Variants in SEC24B observed in about 807,000 individuals in gnomAD.
The protein encoded by SEC24B is protein transport protein Sec24B.
SEC24B carries 45 observed loss-of-function variants against 142.8 expected under a neutral mutation model. That is an observed-to-expected ratio of 0.32 (90% CI 0.25 to 0.40). The LOEUF (loss-of-function observed/expected upper bound fraction) is 0.40, where lower values mean the gene tolerates loss of function less well. Among genes scored for constraint, SEC24B ranks in the 10% least tolerant of loss-of-function variants. SEC24B has a pLI of 1.00. For synonymous variants in SEC24B, 574 were observed against 568.2 expected, an observed-to-expected ratio of 1.01 and a Z score of -0.15; for missense variants, 1,409 against 1,526.8, an observed-to-expected ratio of 0.92 and a Z score of 1.29.
chr4:109,477,087 AGATCCC>A (rs1311922804), intron 3 of SEC24B, among the ~76,000 whole-genome samples: 2 of 144,578 alleles, frequency 1.4e-5, no homozygotes, highest in Non-Finnish European at 3.0e-5. Flanking sequence ...CAGTGAGCCG[AGATCCC>A]GCCACTGCAC....
In SEC24B at chr4:109,486,919, C is replaced by G. The variant is rs376660676; in HGVS notation, c.1166-4408C>G. 5.9e-5 allele frequency among the ~76,000 whole-genome samples: 9 copies of G among 152,174 alleles called. No homozygotes were observed. In the South Asian group the frequency reaches 8.3e-4, roughly 14 times the overall value. ...GTGGCTCACGCCTGTAATCCCAGCA[C>G]TTTGGGAGGCTGAGATGGGCAGATC... On this transcript the variant is annotated intron_variant, in intron 4 of 23. Transcript: ENST00000265175.
At chr4:109,468,234 C>T (rs1278048520) in intron 2 of SEC24B, among the ~76,000 whole-genome samples, 2 of 152,150 alleles carry the variant, frequency 1.3e-5, no homozygotes, top group Middle Eastern at 3.2e-3. Context: ...ATGGGAATAG[C>T]GTAATTTTAC....
intron 10 of SEC24B, among the ~76,000 whole-genome samples, chr4:109,515,630 A>G (rs1426655941): frequency 6.6e-6 from 1 of 152,100 alleles, no homozygotes; most frequent in African/African-American, 2.4e-5. Flanking sequence ...CACCTGGCCT[A>G]TTTCAACTTT....
chr4:109,437,875 G>C (rs1728560665), intron 1 of SEC24B, among the ~76,000 whole-genome samples: 1 of 152,124 alleles, frequency 6.6e-6, no homozygotes, highest in South Asian at 2.1e-4. Flanking sequence ...CACCTGCCTC[G>C]GCCTCCCAGA....
intron 1 of SEC24B, among the ~76,000 whole-genome samples, chr4:109,453,290 G>A (rs958399502): frequency 2.6e-5 from 4 of 152,126 alleles, no homozygotes; most frequent in African/African-American, 4.8e-5. Flanking sequence ...TCTTAACATG[G>A]TTCAAGAGCA....
intron 1 of SEC24B, among the ~76,000 whole-genome samples, chr4:109,451,965 T>C (rs1730141186): frequency 6.6e-6 from 1 of 152,176 alleles, no homozygotes; most frequent in Non-Finnish European, 1.5e-5. Flanking sequence ...TTACCTATAG[T>C]ATATTTCCTT....
At chr4:109,527,512 C>T (rs1299019339) in intron 18 of SEC24B, 80 bp downstream of exon 18, 1 of 1,009,594 alleles carries the variant, frequency 9.9e-7, no homozygotes, top group Non-Finnish European at 1.5e-6. Context: ...AGTGCGTCCG[C>T]CTGTAATCCC....
chr4:109,501,437 C>T (rs1307515573), intron 6 of SEC24B, among the ~76,000 whole-genome samples: 2 of 152,210 alleles, frequency 1.3e-5, no homozygotes, highest in Non-Finnish European at 2.9e-5. Flanking sequence ...TAACTATTTC[C>T]TTAAGTGGAA....
chr4:109,539,811 G>A lies in SEC24B; in HGVS notation c.*136G>A, dbSNP rs1409964592. The A allele has an allele frequency of 1.2e-5, 7 of 601,712 alleles. No homozygotes were observed. The highest frequency in any genetic ancestry group is 1.7e-5 in the Non-Finnish European group (6 of 344,408). The allele number at this position is 601,712 out of a possible 1,614,324, so 37.3% of individuals were successfully genotyped here. On this transcript the variant is annotated 3_prime_UTR_variant, in exon 24 of 24. Transcript: ENST00000265175. ...CGCACAGCACTCTGTCTGAGGCTTT[G>A]GTAAAAAGTAAAGGGGAAGAAAGAA...
chr4:109,488,423 CA>C (rs1260524865), intron 4 of SEC24B, among the ~76,000 whole-genome samples: 3 of 152,118 alleles, frequency 2.0e-5, no homozygotes, highest in African/African-American at 7.2e-5. Context: ...GGTTCATCCA[CA>C]TTATGGCATA....
chr4:109,471,061 T>G (rs1298128388), intron 2 of SEC24B, among the ~76,000 whole-genome samples: 1 of 146,786 alleles, frequency 6.8e-6, no homozygotes, highest in African/African-American at 2.7e-5. Flanking sequence ...GGGTATTTAT[T>G]TTATTATGCA....
intron 1 of SEC24B, among the ~76,000 whole-genome samples, chr4:109,459,014 C>T (rs1730989964): frequency 6.6e-6 from 1 of 151,868 alleles, no homozygotes; most frequent in South Asian, 2.1e-4. Flanking sequence ...TTTTGAATCC[C>T]AAGAAAGATC....
chr4:109,519,038 C>G (rs1432198748), intron 11 of SEC24B, among the ~76,000 whole-genome samples: 1 of 152,036 alleles, frequency 6.6e-6, no homozygotes, highest in Non-Finnish European at 1.5e-5. Flanking sequence ...AACTCCTGAG[C>G]TCAAGCGATC....
chr4:109,517,428 AG>A (rs773341164), intron 11 of SEC24B, among the ~76,000 whole-genome samples: 32 of 152,172 alleles, frequency 2.1e-4, no homozygotes, highest in Non-Finnish European at 2.9e-4. Context: ...AAAAGTAGAG[AG>A]TACAGTGGTT....
intron 1 of SEC24B, among the ~76,000 whole-genome samples, chr4:109,451,252 C>T (rs951487447): frequency 6.6e-6 from 1 of 152,052 alleles, no homozygotes; most frequent in African/African-American, 2.4e-5. Context: ...GGGTCTTGCT[C>T]CATTGCCTAG....
At chr4:109,494,586 T>G in intron 5 of SEC24B, 29 bp from the exon 6 acceptor site, 1 of 1,612,198 alleles carries the variant, frequency 6.2e-7, no homozygotes. Context: ...GATTTTCAGT[T>G]GTTAACACCA....
At chr4:109,504,469 T>A (rs1234863481) in intron 6 of SEC24B, among the ~76,000 whole-genome samples, 2 of 152,214 alleles carry the variant, frequency 1.3e-5, no homozygotes, top group Admixed American at 6.5e-5. Flanking sequence ...CTGTAGAATG[T>A]CCCTCATTCT....
At chr4:109,517,157 T>C (rs767468121) in intron 11 of SEC24B, among the ~76,000 whole-genome samples, 4 of 152,218 alleles carry the variant, frequency 2.6e-5, no homozygotes, top group Admixed American at 6.5e-5. Flanking sequence ...GTGGAAGATA[T>C]ATCTGCACTC....
At chr4:109,475,990 CTTTT>C (rs35172512) in intron 3 of SEC24B, among the ~76,000 whole-genome samples, 9 of 134,694 alleles carry the variant, frequency 6.7e-5, no homozygotes, top group Admixed American at 1.4e-4. Context: ...TTCTCTCTCT[CTTTT>C]TTTTTTTTTT....
Sources: allele counts gnomAD v4.1 joint callset (sites outside exome capture counted in the v4.1 genomes callset), GRCh38; gene constraint gnomAD v4.1.1; transcripts MANE v1.5; gene names NCBI Gene and HGNC (gene_info 2026-07-23, HGNC 2026-07-21).